Variants in FGF12 observed in about 807,000 individuals in gnomAD.
FGF12 encodes the protein fibroblast growth factor 12B.
A neutral mutation model predicts 23.6 loss-of-function variants in FGF12; 14 were observed. The observed-to-expected ratio is 0.59, with a 90% CI of 0.39 to 0.93. The LOEUF (loss-of-function observed/expected upper bound fraction) is 0.93. Among genes scored for constraint, FGF12 ranks in the 40% least tolerant of loss-of-function variants. FGF12 has a pLI of 0.00. For missense variants in FGF12, 175 were observed against 217.8 expected, an observed-to-expected ratio of 0.80 and a Z score of 1.24; for synonymous variants, 62 against 77.3, an observed-to-expected ratio of 0.80 and a Z score of 1.04.
At chr3:192,459,838 AGTGTGT>A (rs35153893) in intron 2 of FGF12, among the ~76,000 whole-genome samples, 2 of 150,390 alleles carry the variant, frequency 1.3e-5, no homozygotes, top group Non-Finnish European at 3.0e-5. Context: ...ATGTATGTTT[AGTGTGT>A]GTGTGTGTGT....
At chr3:192,367,422 T>C (rs1327656132) in intron 2 of FGF12, among the ~76,000 whole-genome samples, 4 of 152,172 alleles carry the variant, frequency 2.6e-5, no homozygotes, top group Non-Finnish European at 5.9e-5. Flanking sequence ...GGCATTACAT[T>C]GATGCAGACT....
chr3:192,345,707 TATAAC>T lies in FGF12; in HGVS notation c.125-10248_125-10244del, dbSNP rs779246636. Among the ~76,000 whole-genome samples the T allele has an allele frequency of 5.4e-4, 80 of 148,670 alleles. 11 individuals carry two copies. In the East Asian group the frequency reaches 0.013, roughly 25 times the overall value. ...GTCTCAAAAAAAAAAAAAAAAAAGA[TATAAC>T]ATAAAATTCTAATGATAACAATTCA... On this transcript the variant is annotated intron_variant, in intron 3 of 5. Coordinates refer to ENST00000445105, the MANE Select transcript of FGF12 (RefSeq NM_004113.6).
At chr3:192,239,770 C>A (rs931696287) in intron 4 of FGF12, among the ~76,000 whole-genome samples, 1 of 152,236 alleles carries the variant, frequency 6.6e-6, no homozygotes, top group Non-Finnish European at 1.5e-5. Flanking sequence ...CAACCCCCAA[C>A]TAGTCTGTGG....
At chr3:192,628,875 G>A (rs1217267464) in intron 2 of FGF12, among the ~76,000 whole-genome samples, 1 of 151,680 alleles carries the variant, frequency 6.6e-6, no homozygotes, top group Non-Finnish European at 1.5e-5. Context: ...TTTCTCTGGA[G>A]AACCCTGACT....
chr3:192,325,288 A>G (rs1716760801), intron 4 of FGF12, among the ~76,000 whole-genome samples: 1 of 152,152 alleles, frequency 6.6e-6, no homozygotes, highest in African/African-American at 2.4e-5. Context: ...TATACCCCCC[A>G]ATTTTTTTAA....
chr3:192,194,415 C>T (rs1157984422), intron 4 of FGF12, among the ~76,000 whole-genome samples: 1 of 152,104 alleles, frequency 6.6e-6, no homozygotes, highest in East Asian at 1.9e-4. Context: ...CTCATTTCTC[C>T]ACTTACAAAA....
At chr3:192,568,731 G>T (rs1165843464) in intron 2 of FGF12, among the ~76,000 whole-genome samples, 1 of 152,074 alleles carries the variant, frequency 6.6e-6, no homozygotes, top group East Asian at 1.9e-4. Flanking sequence ...ATAGAGATGG[G>T]CAAGACAGAG....
Position 192,722,679 on chromosome 3 carries a change from A to C in FGF12, c.13+4502T>G, listed in dbSNP as rs182105787. 8.4e-4 allele frequency among the ~76,000 whole-genome samples: 128 copies of C among 152,304 alleles called. 3 individuals carry two copies. Among genetic ancestry groups the C allele is most frequent in the African/African-American group, 2.8e-3 (117 of 41,564 alleles). On this transcript the variant is annotated intron_variant, in intron 2 of 5. Transcript: ENST00000445105. ...TGGATCCATGAAGTTGGCCTAAAAAAACTAATTAAGGCTATCCAACGCATA... is the reference window on the plus strand; with the variant it reads ...TGGATCCATGAAGTTGGCCTAAAAACACTAATTAAGGCTATCCAACGCATA...
intron 5 of FGF12, among the ~76,000 whole-genome samples, chr3:192,170,013 T>C (rs966335166): frequency 2.0e-5 from 3 of 146,918 alleles, no homozygotes; most frequent in Non-Finnish European, 4.5e-5. Flanking sequence ...AATTATTAGG[T>C]TTAGAAAAGG....
In FGF12 at chr3:192,387,679, T is replaced by C. The variant is rs372061870; in HGVS notation, c.14-27141A>G. The stretch of plus-strand genomic sequence containing the variant: ...CTGGGCAATATGGCAAAACCCCATC[T>C]CTACAAAAAAAATACAAAAAAAAAA... On this transcript the variant is annotated intron_variant, in intron 2 of 5. Transcript: ENST00000445105. Among the ~76,000 whole-genome samples, 5 of 150,432 alleles carry C rather than the reference T, an allele frequency of 3.3e-5. No homozygotes were observed. In the East Asian group the frequency reaches 7.9e-4, roughly 24 times the overall value.
chr3:192,533,942 T>C (rs1560142348), intron 2 of FGF12: 1 of 152,126 alleles, frequency 6.6e-6, no homozygotes, highest in Non-Finnish European at 1.5e-5. Context: ...AAGCATTCAG[T>C]GTCCTATCTC....
chr3:192,179,678 T>C (rs1020355554), intron 4 of FGF12, among the ~76,000 whole-genome samples: 1 of 151,964 alleles, frequency 6.6e-6, no homozygotes, highest in Non-Finnish European at 1.5e-5. Flanking sequence ...CCCAAGTTGC[T>C]TGGATTACAG....
At chr3:192,658,193 T>C (rs6798557) in intron 2 of FGF12, among the ~76,000 whole-genome samples, 91,607 of 152,142 alleles carry the variant, frequency 0.6, 27,959 homozygotes, top group East Asian at 0.67. Flanking sequence ...TTTAAAAAAT[T>C]ACATTGAAAT....
At chr3:192,559,655 A>T (rs113210998) in intron 2 of FGF12, among the ~76,000 whole-genome samples, 1 of 151,946 alleles carries the variant, frequency 6.6e-6, no homozygotes, top group African/African-American at 2.4e-5. Flanking sequence ...TAATAATAAA[A>T]CTAAAAAAAG....
rs557596992 is a variant in FGF12, at chr3:192,373,061, C to T, written c.14-12523G>A. Among the ~76,000 whole-genome samples, 151 of 152,214 alleles carry T rather than the reference C, an allele frequency of 9.9e-4. 3 individuals carry two copies. In the South Asian group the frequency reaches 0.03, roughly 31 times the overall value. On this transcript the variant is annotated intron_variant, in intron 2 of 5. Transcript: ENST00000445105. ...TGTCTAGGCCTCCAACCTAAATCTGCCGCCACGTTTGTACAGATATTATCT... is the reference window on the plus strand; with the variant it reads ...TGTCTAGGCCTCCAACCTAAATCTGTCGCCACGTTTGTACAGATATTATCT...
At chr3:192,335,585 GA>G (rs1318615993) in intron 3 of FGF12, 121 bp from the exon 4 acceptor site, 1 of 657,362 alleles carries the variant, frequency 1.5e-6, no homozygotes, top group Non-Finnish European at 2.7e-6. Context: ...AATGGAGAGA[GA>G]AATAAAGAGA....
intron 2 of FGF12, among the ~76,000 whole-genome samples, chr3:192,575,149 A>C (rs1333476852): frequency 6.6e-6 from 1 of 152,228 alleles, no homozygotes; most frequent in Non-Finnish European, 1.5e-5. Context: ...AAACTAATCA[A>C]TTATGATGGA....
intron 2 of FGF12, among the ~76,000 whole-genome samples, chr3:192,547,516 T>A (rs939049961): frequency 2.0e-5 from 3 of 152,220 alleles, no homozygotes; most frequent in African/African-American, 7.2e-5. Flanking sequence ...AAATGATTAT[T>A]ATAATTTATA....
At chr3:192,341,029 G>C (rs549735863) in intron 3 of FGF12, among the ~76,000 whole-genome samples, 1 of 152,218 alleles carries the variant, frequency 6.6e-6, no homozygotes, top group Admixed American at 6.5e-5. Context: ...GGCAACTTAT[G>C]GAATGGGAGA....
Sources: allele counts gnomAD v4.1 joint callset (sites outside exome capture counted in the v4.1 genomes callset), GRCh38; gene constraint gnomAD v4.1.1; transcripts MANE v1.5; gene names NCBI Gene and HGNC (gene_info 2026-07-23, HGNC 2026-07-21).